The following MYPN variants were observed in gnomAD, a reference collection of about 807,000 sequenced individuals.
The protein encoded by MYPN is sarcomeric protein myopalladin, 145 kDa (MYOP).
Under a neutral mutation model 129.4 loss-of-function variants are expected in MYPN, and 63 were observed. The observed-to-expected ratio is 0.49, with a 90% confidence interval of 0.40 to 0.60. MYPN has a LOEUF of 0.60. Among genes scored for constraint, MYPN ranks in the 20% least tolerant of loss-of-function variants. The pLI is 0.00. For synonymous variants in MYPN, 629 were observed against 600.9 expected, an observed-to-expected ratio of 1.05 and a Z score of -0.68; for missense variants, 1,596 against 1,635.4, an observed-to-expected ratio of 0.98 and a Z score of 0.42.
chr10:68,195,445 G>C lies in MYPN; in HGVS notation c.3076-5G>C, dbSNP rs1384416023. 1.9e-6 allele frequency: 3 copies of C among 1,613,454 alleles called. No homozygotes were observed. Among genetic ancestry groups the C allele is most frequent in the Non-Finnish European group, 2.5e-6 (3 of 1,179,606 alleles). On this transcript the variant is annotated splice_region_variant and splice_polypyrimidine_tract_variant and intron_variant, in intron 14 of 19. Transcript: ENST00000358913. Reference sequence around the variant, plus strand: ...TTTTAATCTTGCTCTTTTTCTGTTTGTCAGGGGAGAATCAGCTGTTCTGGC... The same window carrying C: ...TTTTAATCTTGCTCTTTTTCTGTTTCTCAGGGGAGAATCAGCTGTTCTGGC...
chr10:68,153,046 C>T (rs2042803957), intron 6 of MYPN, among the ~76,000 whole-genome samples: 1 of 151,574 alleles, frequency 6.6e-6, no homozygotes, highest in Admixed American at 6.6e-5. Context: ...AGTGCAGTGG[C>T]ATGATCTTGG....
intron 17 of MYPN, among the ~76,000 whole-genome samples, chr10:68,200,237 C>A (rs2043687218): frequency 6.6e-6 from 1 of 152,206 alleles, no homozygotes; most frequent in Non-Finnish European, 1.5e-5. Flanking sequence ...CTCTGTCTCT[C>A]TTCTGCATAT....
rs138973693 is a variant in MYPN, at chr10:68,149,207, A to G, written c.1245+740A>G. Among the ~76,000 whole-genome samples the G allele has an allele frequency of 5.8e-4, 88 of 152,276 alleles. No homozygotes were observed. The East Asian group carries it at 0.015, about 25-fold the overall frequency. Reference sequence around the variant, plus strand: ...GCTGCACTACAGCCTGGGCAACAGAATAAGACCCTGTCCTCCCACTCCCCC... The same window carrying G: ...GCTGCACTACAGCCTGGGCAACAGAGTAAGACCCTGTCCTCCCACTCCCCC... On this transcript the variant is annotated intron_variant, in intron 5 of 19. Coordinates refer to ENST00000358913, the MANE Select transcript of MYPN (RefSeq NM_032578.4).
intron 18 of MYPN, among the ~76,000 whole-genome samples, chr10:68,205,129 G>A (rs755410242): frequency 2.6e-5 from 4 of 152,070 alleles, no homozygotes; most frequent in East Asian, 1.9e-4. Context: ...CGTCTTAGTC[G>A]TCTCAGGTCT....
At chr10:68,173,910 A>C (rs2043183123) in intron 10 of MYPN, among the ~76,000 whole-genome samples, 156 bp from the exon 11 acceptor site, 1 of 149,842 alleles carries the variant, frequency 6.7e-6, no homozygotes, top group African/African-American at 2.5e-5. Context: ...CAAGTGATCC[A>C]CCTGTCTCCG....
chr10:68,090,538 T>C (rs2041926166), intron 1 of MYPN, among the ~76,000 whole-genome samples: 1 of 152,146 alleles, frequency 6.6e-6, no homozygotes. Flanking sequence ...GTGACATTCT[T>C]TCATAAAGGC....
chr10:68,185,019 G>C (rs190260671), intron 12 of MYPN, among the ~76,000 whole-genome samples: 214 of 152,212 alleles, frequency 1.4e-3, no homozygotes, highest in African/African-American at 4.9e-3. Context: ...ATGGAAACTG[G>C]GACTTCCGGC....
At chr10:68,170,448 C>T (rs757315617) in intron 10 of MYPN, among the ~76,000 whole-genome samples, 3 of 152,136 alleles carry the variant, frequency 2.0e-5, no homozygotes, top group Non-Finnish European at 4.4e-5. Context: ...ACACCACACC[C>T]TTTGTAAATC....
chr10:68,200,117 T>G (rs1299118965), intron 17 of MYPN, among the ~76,000 whole-genome samples: 1 of 152,090 alleles, frequency 6.6e-6, no homozygotes, highest in African/African-American at 2.4e-5. Flanking sequence ...AAAGGAGAGA[T>G]TCATAGAGCA....
At chr10:68,197,251 A>G (rs530524267) in intron 15 of MYPN, 101 bp from the exon 16 acceptor site, 1 of 1,436,612 alleles carries the variant, frequency 7.0e-7, no homozygotes, top group Non-Finnish European at 9.5e-7. Context: ...TCAAAAAAAA[A>G]AAATCTGTTC....
Position 68,189,045 on chromosome 10 carries a change from C to A in MYPN, c.2844C>A (p.Asp948Glu). 1 of 1,614,110 alleles carries A rather than the reference C, an allele frequency of 6.2e-7. No homozygotes were observed. The highest frequency in any genetic ancestry group is 8.5e-7 in the Non-Finnish European group (1 of 1,179,992). Residue 948 changes from aspartate to glutamate, a missense_variant, in exon 13 of 20, where the codon GAC becomes GAA. Coordinates refer to ENST00000358913, the MANE Select transcript of MYPN (RefSeq NM_032578.4). ...GCAAGTGTATTGCTCCCATCTTTGA[C>A]AAGAGACTCAAGCACTTCCGGGTCA... is the stretch of plus-strand genomic sequence containing the variant. The part of the protein sequence containing the change: ...PTGKCIAPIF[D>E]KRLKHFRVTE...
intron 1 of MYPN, among the ~76,000 whole-genome samples, chr10:68,110,746 C>G (rs2042070619): frequency 6.6e-6 from 1 of 152,110 alleles, no homozygotes; most frequent in African/African-American, 2.4e-5. Flanking sequence ...TCTATACTTA[C>G]AGCTATCATA....
In MYPN at chr10:68,166,430, G is replaced by A. The variant is rs1217740747; in HGVS notation, c.1737G>A (p.Glu579=). The A allele has an allele frequency of 1.1e-5, 18 of 1,613,900 alleles. No individual in the cohort carries two copies. The highest frequency in any genetic ancestry group is 1.4e-5 in the Non-Finnish European group (17 of 1,180,032). The change falls in exon 10 of 20, where the codon GAG becomes GAA. Residue 579 remains glutamate, a synonymous_variant. Coordinates refer to ENST00000358913, the MANE Select transcript of MYPN (RefSeq NM_032578.4). The stretch of plus-strand genomic sequence containing the variant: ...AACAACCCCCCAAACCCAAACTCGA[G>A]GGGGTTCTGGTGAACCACAATGAGC... ...SVEQPPKPKL[E]GVLVNHNEPR...
chr10:68,138,292 G>T (rs539442876), intron 2 of MYPN, among the ~76,000 whole-genome samples: 1 of 151,536 alleles, frequency 6.6e-6, no homozygotes, highest in African/African-American at 2.4e-5. Flanking sequence ...AGTAGAGGTG[G>T]GTTTTCTCCC....
chr10:68,174,949 A>G (rs918471974), intron 11 of MYPN, among the ~76,000 whole-genome samples: 2 of 152,244 alleles, frequency 1.3e-5, no homozygotes, highest in Admixed American at 6.5e-5. Flanking sequence ...AGCCTGGGCA[A>G]CATGGTGAAA....
chr10:68,160,166 G>A (rs2042949402), intron 7 of MYPN, among the ~76,000 whole-genome samples: 1 of 151,986 alleles, frequency 6.6e-6, no homozygotes, highest in Non-Finnish European at 1.5e-5. Context: ...CCAGGACTTT[G>A]GGAGGCCAGG....
At chr10:68,143,898 G>A (rs892222837) in intron 3 of MYPN, among the ~76,000 whole-genome samples, 1 of 152,128 alleles carries the variant, frequency 6.6e-6, no homozygotes, top group African/African-American at 2.4e-5. Flanking sequence ...GGGATTACAG[G>A]CATGCGCCAC....
intron 7 of MYPN, among the ~76,000 whole-genome samples, chr10:68,160,855 T>C (rs1033485467): frequency 3.3e-5 from 5 of 152,146 alleles, no homozygotes; most frequent in African/African-American, 4.8e-5. Flanking sequence ...AGGCAGAGGT[T>C]GCAGTGAGCC....
At chr10:68,209,230 A>G (rs1175689277) in intron 19 of MYPN, among the ~76,000 whole-genome samples, 1 of 152,220 alleles carries the variant, frequency 6.6e-6, no homozygotes, top group Non-Finnish European at 1.5e-5. Context: ...CAGAAACCAC[A>G]GCAGAGACTG....
Sources: allele counts gnomAD v4.1 joint callset (sites outside exome capture counted in the v4.1 genomes callset), GRCh38; gene constraint gnomAD v4.1.1; transcripts MANE v1.5; gene names NCBI Gene and HGNC (gene_info 2026-07-23, HGNC 2026-07-21).